Variants in HMCN2 observed in about 807,000 individuals in gnomAD.
HMCN2 encodes the protein hemicentin-2.
A neutral mutation model predicts 377.5 loss-of-function variants in HMCN2; 325 were observed. The observed-to-expected ratio is 0.86, with a 90% confidence interval of 0.79 to 0.94. HMCN2 has a LOEUF of 0.94. HMCN2 is among the 40% of genes least tolerant of loss of function. HMCN2 has a pLI of 0.00. For missense variants in HMCN2, 4,543 were observed against 4,725.3 expected (o/e 0.96, Z 1.13); for synonymous variants, 2,007 against 2,046.8 (o/e 0.98, Z 0.53).
intron 82 of HMCN2, 98 bp from the exon 83 acceptor site, chr9:130,407,473 G>C: frequency 2.7e-6 from 3 of 1,111,692 alleles, no homozygotes; most frequent in Non-Finnish European, 3.5e-6. Context: ...ACTCCCATCT[G>C]TTTCTGCATT....
chr9:130,417,537 A>C (rs574358057), intron 85 of HMCN2, among the ~76,000 whole-genome samples: 2 of 63,054 alleles, frequency 3.2e-5, no homozygotes, highest in Admixed American at 1.8e-4. Context: ...AAAAAAAAAA[A>C]CAAAAAAAAA....
chr9:130,373,589 A>G (rs7867839), intron 48 of HMCN2, among the ~76,000 whole-genome samples: 882 of 38,324 alleles, frequency 0.023, 27 homozygotes, highest in East Asian at 0.047. Context: ...GGATGGATGG[A>G]TGGGTGGGTG....
intron 7 of HMCN2, among the ~76,000 whole-genome samples, chr9:130,297,780 T>G (rs1419363155): frequency 1.3e-5 from 2 of 152,168 alleles, no homozygotes; most frequent in Non-Finnish European, 2.9e-5. Context: ...GTTTTGCCGA[T>G]AGCAGAAAGG....
intron 95 of HMCN2, 107 bp downstream of exon 95, chr9:130,430,711 C>A (rs1844692525): frequency 1.9e-6 from 2 of 1,078,800 alleles, no homozygotes; most frequent in Non-Finnish European, 1.3e-6. Context: ...CCAGACCTTC[C>A]AGGCAAGTGG....
chr9:130,366,101 G>A (rs1165775036), intron 43 of HMCN2, 106 bp downstream of exon 43: 2 of 855,606 alleles, frequency 2.3e-6, no homozygotes, highest in East Asian at 1.2e-4. Flanking sequence ...GAGATGGGGG[G>A]GTCTTATACC....
At position 130,396,323 on chromosome 9, in the gene HMCN2, G is replaced by C; in HGVS notation, c.11198+10G>C. On this transcript the variant is annotated intron_variant, in intron 73 of 97. Transcript: ENST00000683500. ...ATCCCAGGAGCCCCAGGTGGGAGAG[G>C]GAAGGGGTGGGCCTCAGGGAGGCTC... 7.9e-7 allele frequency: 1 copy of C among 1,262,880 alleles called. No individual in the cohort carries two copies. Among genetic ancestry groups the C allele is most frequent in the Middle Eastern group, 2.2e-4 (1 of 4,616 alleles). The allele number at this position is 1,262,880 out of a possible 1,614,324, so 78.2% of individuals were successfully genotyped here. A position where few individuals can be genotyped will look rare whatever the true frequency, so the allele number is the denominator to read the frequency against.
In HMCN2 at chr9:130,406,017, C is replaced by T. The variant is rs1391183870; in HGVS notation, c.12402C>T (p.Arg4134=). 11 of 1,289,708 alleles carry T rather than the reference C, an allele frequency of 8.5e-6. No homozygotes were observed. Among genetic ancestry groups the T allele is most frequent in the East Asian group, 5.5e-5 (1 of 18,034 alleles). The allele number at this position is 1,289,708 out of a possible 1,614,324, so 79.9% of individuals were successfully genotyped here. Residue 4134 remains arginine (R), a synonymous_variant, in exon 82 of 98, where the codon CGC becomes CGT. Transcript: ENST00000683500. ...AENAVGRARR[R]VHLTILVLPV... ...ACGCCGTGGGCCGGGCCCGCCGCCGCGTGCACCTCACCATCCTGGTACTGC... is the reference window on the plus strand; with the variant it reads ...ACGCCGTGGGCCGGGCCCGCCGCCGTGTGCACCTCACCATCCTGGTACTGC...
In HMCN2 at chr9:130,354,901, CAG is replaced by C; in HGVS notation, c.5008_5009del (p.Ser1670GlnfsTer54). On this transcript the variant is annotated frameshift_variant, in exon 32 of 98. Coordinates refer to ENST00000683500, the MANE Select transcript of HMCN2 (RefSeq NM_001291815.2). LOFTEE classifies it high-confidence loss of function. ...TGGCACCACGAGGGGCTGCCCGTGG[CAG>C]AGAGCAACGAGTCGCGGCTGGAGAC... is the stretch of plus-strand genomic sequence containing the variant. 3 of 1,304,222 alleles carry C rather than the reference CAG, an allele frequency of 2.3e-6. No homozygotes were observed. Among genetic ancestry groups the C allele is most frequent in the Non-Finnish European group, 3.0e-6 (3 of 988,942 alleles). 80.8% of individuals were successfully genotyped at this position (1,304,222 alleles called of 1,614,324 possible).
At chr9:130,405,726 G>T (rs1477252756) in intron 81 of HMCN2, among the ~76,000 whole-genome samples, 1 of 152,258 alleles carries the variant, frequency 6.6e-6, no homozygotes, top group African/African-American at 2.4e-5. Flanking sequence ...ACTGGCTATT[G>T]CGATCATGCA....
chr9:130,385,504 G>T, intron 59 of HMCN2, 56 bp from the exon 60 acceptor site: 1 of 1,219,856 alleles, frequency 8.2e-7, no homozygotes, highest in Admixed American at 2.3e-5. Flanking sequence ...CTGTGGCTGA[G>T]TGGGGAGGGC....
At chr9:130,274,080 T>C (rs543126883) in intron 1 of HMCN2, among the ~76,000 whole-genome samples, 3 of 149,618 alleles carry the variant, frequency 2.0e-5, no homozygotes, top group African/African-American at 7.4e-5. Context: ...AGAGACGGAG[T>C]CTCACTCTGT....
In HMCN2 at chr9:130,344,132, G is replaced by A. The variant is rs1024126436; in HGVS notation, c.3829+1696G>A. On this transcript the variant is annotated intron_variant, in intron 25 of 97. Coordinates refer to ENST00000683500, the MANE Select transcript of HMCN2 (RefSeq NM_001291815.2). Reference sequence around the variant, plus strand: ...TTAGGCTGAGATTGTGGTAAACAAGGTTCCACAGCAGAAACCATCACCCCT... The same window carrying A: ...TTAGGCTGAGATTGTGGTAAACAAGATTCCACAGCAGAAACCATCACCCCT... Among the ~76,000 whole-genome samples the A allele has an allele frequency of 7.2e-5, 11 of 152,340 alleles. No homozygotes were observed. In the South Asian group the frequency reaches 1.0e-3, roughly 14 times the overall value.
chr9:130,429,345 G>A (rs141618554), intron 93 of HMCN2: 2 of 612,196 alleles, frequency 3.3e-6, no homozygotes, highest in East Asian at 5.8e-5. Context: ...GGGCCTTTCA[G>A]CCCCTTCCTT....
chr9:130,328,471 C>T (rs1017138976), intron 22 of HMCN2, among the ~76,000 whole-genome samples: 1 of 152,168 alleles, frequency 6.6e-6, no homozygotes, highest in Non-Finnish European at 1.5e-5. Flanking sequence ...CCCTCCTCGC[C>T]GTGGTGCGTT....
chr9:130,426,861 G>A (rs558400811), intron 90 of HMCN2, among the ~76,000 whole-genome samples: 160 of 151,496 alleles, frequency 1.1e-3, no homozygotes, highest in African/African-American at 3.7e-3. Context: ...CACAGAAGCC[G>A]AAAGATAGGA....
chr9:130,300,557 G>A (rs1029212801), intron 8 of HMCN2, among the ~76,000 whole-genome samples: 1 of 152,242 alleles, frequency 6.6e-6, no homozygotes, highest in African/African-American at 2.4e-5. Flanking sequence ...AGCCCACCCA[G>A]CTCACAGGGC....
chr9:130,336,770 A>G (rs1838774262), intron 22 of HMCN2, among the ~76,000 whole-genome samples: 1 of 152,132 alleles, frequency 6.6e-6, no homozygotes, highest in South Asian at 2.1e-4. Flanking sequence ...TAGCCCGAGA[A>G]TTGCCGATGG....
In HMCN2 at chr9:130,398,647, TG is replaced by T; in HGVS notation, c.11425del (p.Val3809TrpfsTer44). 1 of 1,289,494 alleles carries T rather than the reference TG, an allele frequency of 7.8e-7. No homozygotes were observed. Among genetic ancestry groups the T allele is most frequent in the Non-Finnish European group, 1.0e-6 (1 of 988,604 alleles). 79.9% of individuals were successfully genotyped at this position (1,289,494 alleles called of 1,614,324 possible). ...GAGGCCAGCGGCTCCCCTAAGCCCC[TG>T]GTGGTCTGGTGGAAGGACGGACAGA... ...PCEASGSPKPLVVWWKDGQKL... is the reference protein window; with the variant it reads ...PCEASGSPKPXVVWWKDGQKL... On this transcript the variant is annotated frameshift_variant, in exon 75 of 98. Coordinates refer to ENST00000683500, the MANE Select transcript of HMCN2 (RefSeq NM_001291815.2). LOFTEE classifies it high-confidence loss of function.
chr9:130,385,328 C>T (rs1489275354), intron 59 of HMCN2, among the ~76,000 whole-genome samples: 1 of 152,098 alleles, frequency 6.6e-6, no homozygotes, highest in Non-Finnish European at 1.5e-5. Flanking sequence ...CAGCATCTCC[C>T]CCATCTAGGA....
Sources: allele counts gnomAD v4.1 joint callset (sites outside exome capture counted in the v4.1 genomes callset), GRCh38; gene constraint gnomAD v4.1.1; transcripts MANE v1.5; gene names NCBI Gene and HGNC (gene_info 2026-07-23, HGNC 2026-07-21).